The following SUCLG2 variants were observed in gnomAD, a reference collection of about 807,000 sequenced individuals.
The protein encoded by SUCLG2 is succinate-CoA ligase GDP-forming subunit beta, also known as succinate--CoA ligase [GDP-forming] subunit beta, mitochondrial.
Under a neutral mutation model 47.9 loss-of-function variants are expected in SUCLG2, and 42 were observed. That is an observed-to-expected ratio of 0.88 (90% CI 0.69 to 1.14). The LOEUF is 1.14. Ranked by LOEUF, SUCLG2 falls within the 50% of genes most tolerant of loss-of-function variation. The pLI, the probability that SUCLG2 is intolerant of heterozygous loss-of-function variation, is 0.00. For synonymous variants in SUCLG2, 195 were observed against 197.3 expected (o/e 0.99, Z 0.10); for missense variants, 571 against 525.9 (o/e 1.09, Z -0.84).
At chr3:67,517,514 T>C (rs2107120569) in intron 6 of SUCLG2, among the ~76,000 whole-genome samples, 1 of 152,280 alleles carries the variant, frequency 6.6e-6, no homozygotes, top group Non-Finnish European at 1.5e-5. Flanking sequence ...CTGATTTAGC[T>C]GTGGGACTAG....
intron 9 of SUCLG2, among the ~76,000 whole-genome samples, chr3:67,429,679 A>G (rs1388838996): frequency 3.3e-5 from 5 of 152,226 alleles, no homozygotes; most frequent in Admixed American, 3.3e-4. Flanking sequence ...GTCAAGACCC[A>G]TCAGTGTCCT....
Position 67,534,710 on chromosome 3 carries a change from T to C in SUCLG2, c.227-5524A>G, listed in dbSNP as rs140150207. 3.5e-3 allele frequency among the ~76,000 whole-genome samples: 462 copies of C among 133,600 alleles called. 1 individual carries two copies. The highest frequency in any genetic ancestry group is 5.2e-3 in the Non-Finnish European group (342 of 65,382). 87.6% of individuals were successfully genotyped at this position (133,600 alleles called of 152,430 possible). A position where few individuals can be genotyped will look rare whatever the true frequency, so the allele number is the denominator to read the frequency against. On this transcript the variant is annotated intron_variant, in intron 2 of 10. Transcript: ENST00000307227. ...AGCCAATCTTACATTGTGTCAATTA[T>C]ATTAAAAGATATATTTCTACAAAAA...
intron 2 of SUCLG2, among the ~76,000 whole-genome samples, chr3:67,584,648 T>G (rs913425943): frequency 6.6e-6 from 1 of 152,220 alleles, no homozygotes; most frequent in African/African-American, 2.4e-5. Context: ...TGGTAACTGC[T>G]GCTATAAAGA....
chr3:67,424,893 A>G (rs1158871212), intron 9 of SUCLG2, among the ~76,000 whole-genome samples: 1 of 152,022 alleles, frequency 6.6e-6, no homozygotes, highest in Non-Finnish European at 1.5e-5. Context: ...GCCAATCTGA[A>G]CAATCTCTTT....
intron 9 of SUCLG2, among the ~76,000 whole-genome samples, chr3:67,492,205 C>G (rs571405835): frequency 6.6e-6 from 1 of 152,324 alleles, no homozygotes; most frequent in South Asian, 2.1e-4. Context: ...CTCCAGAGAG[C>G]AAAAGATTTG....
intron 10 of SUCLG2, among the ~76,000 whole-genome samples, chr3:67,380,119 G>C (rs1158197421): frequency 6.6e-6 from 1 of 152,084 alleles, no homozygotes; most frequent in South Asian, 2.1e-4. Flanking sequence ...CTTTCCTATA[G>C]GGTTGAAATA....
chr3:67,405,962 A>G (rs148706267), intron 9 of SUCLG2, among the ~76,000 whole-genome samples: 1 of 152,288 alleles, frequency 6.6e-6, no homozygotes, highest in East Asian at 1.9e-4. Flanking sequence ...CAGGGGTTAC[A>G]GCTTTATCTA....
chr3:67,396,274 G>T (rs1403107960), intron 10 of SUCLG2, among the ~76,000 whole-genome samples: 1 of 152,060 alleles, frequency 6.6e-6, no homozygotes, highest in African/African-American at 2.4e-5. Context: ...TAGACTGCTA[G>T]CAAGACTAAT....
chr3:67,493,234 C>T (rs967101691), intron 9 of SUCLG2, among the ~76,000 whole-genome samples: 2 of 152,110 alleles, frequency 1.3e-5, no homozygotes, highest in Non-Finnish European at 2.9e-5. Flanking sequence ...TTTTGTGAAA[C>T]GAAGCCAGGA....
At chr3:67,430,250 C>G (rs1324408768) in intron 9 of SUCLG2, among the ~76,000 whole-genome samples, 1 of 152,184 alleles carries the variant, frequency 6.6e-6, no homozygotes, top group African/African-American at 2.4e-5. Context: ...AACAAACTGT[C>G]TCTCAGACCA....
At chr3:67,420,196 G>T (rs1253083163) in intron 9 of SUCLG2, among the ~76,000 whole-genome samples, 2 of 152,178 alleles carry the variant, frequency 1.3e-5, no homozygotes, top group Non-Finnish European at 2.9e-5. Flanking sequence ...TGAGTCTGAA[G>T]TGACTTACTA....
chr3:67,424,557 T>C (rs1250081328), intron 9 of SUCLG2, among the ~76,000 whole-genome samples: 1 of 152,220 alleles, frequency 6.6e-6, no homozygotes, highest in African/African-American at 2.4e-5. Flanking sequence ...ATACCCATAC[T>C]AGCTCTGTGT....
intron 2 of SUCLG2, among the ~76,000 whole-genome samples, chr3:67,542,514 C>T (rs1706746294): frequency 6.6e-6 from 1 of 152,000 alleles, no homozygotes; most frequent in Non-Finnish European, 1.5e-5. Context: ...GTAAATGCCC[C>T]AATTAAAAGA....
chr3:67,426,646 C>T (rs1223936901), intron 9 of SUCLG2, among the ~76,000 whole-genome samples: 1 of 152,090 alleles, frequency 6.6e-6, no homozygotes, highest in Admixed American at 6.6e-5. Flanking sequence ...AAATAGGTGG[C>T]ATGCTGGGCG....
chr3:67,493,011 G>C lies in SUCLG2; in HGVS notation c.1062+2787C>G, dbSNP rs75732299. Among the ~76,000 whole-genome samples, 155 of 152,286 alleles carry C rather than the reference G, an allele frequency of 1.0e-3. 2 individuals carry two copies. In the East Asian group the frequency reaches 0.028, roughly 27 times the overall value. ...GTTGATAAAAGTTTAACAAAAACTG[G>C]TGTTCTGTAATTTTGACTTTCTGTG... On this transcript the variant is annotated intron_variant, in intron 9 of 10. Coordinates refer to ENST00000307227, the MANE Select transcript of SUCLG2 (RefSeq NM_003848.4).
intron 2 of SUCLG2, among the ~76,000 whole-genome samples, chr3:67,568,369 A>G (rs989932165): frequency 1.3e-5 from 2 of 152,196 alleles, no homozygotes; most frequent in African/African-American, 2.4e-5. Context: ...TAAAAGACTA[A>G]AAAGTAATAT....
intron 9 of SUCLG2, among the ~76,000 whole-genome samples, chr3:67,469,419 C>T (rs575840288): frequency 9.2e-5 from 14 of 152,154 alleles, no homozygotes; most frequent in Non-Finnish European, 1.6e-4. Flanking sequence ...AAGTTCTTAG[C>T]TATACTTTAT....
intron 1 of SUCLG2, among the ~76,000 whole-genome samples, chr3:67,639,369 G>C (rs1033436386): frequency 1.3e-5 from 2 of 152,010 alleles, no homozygotes; most frequent in Non-Finnish European, 1.5e-5. Flanking sequence ...ATGAGGCACC[G>C]AAGTGTTAAA....
chr3:67,582,894 T>C (rs1707919644), intron 2 of SUCLG2, among the ~76,000 whole-genome samples: 1 of 152,026 alleles, frequency 6.6e-6, no homozygotes, highest in Non-Finnish European at 1.5e-5. Context: ...TTTTATTACA[T>C]CACACGATAA....
Sources: allele counts gnomAD v4.1 joint callset (sites outside exome capture counted in the v4.1 genomes callset), GRCh38; gene constraint gnomAD v4.1.1; transcripts MANE v1.5; gene names NCBI Gene and HGNC (gene_info 2026-07-23, HGNC 2026-07-21).